SLC12A1: variants seen among roughly 807,000 people sequenced by gnomAD.
SLC12A1 encodes the protein solute carrier family 12 member 1, also known as Na-K-2Cl cotransporter.
Under a neutral mutation model 130.4 loss-of-function variants are expected in SLC12A1, and 89 were observed. That is an observed-to-expected ratio of 0.68 (90% CI 0.58 to 0.81). The LOEUF (loss-of-function observed/expected upper bound fraction) is 0.81. Among genes scored for constraint, SLC12A1 ranks in the 40% least tolerant of loss-of-function variants. SLC12A1 has a pLI of 0.00. For synonymous variants in SLC12A1, 499 were observed against 460.0 expected (o/e 1.08, Z -1.09); for missense variants, 1,310 against 1,336.4 (o/e 0.98, Z 0.31).
intron 4 of SLC12A1, chr15:48,221,306 G>A: frequency 1.4e-6 from 1 of 701,594 alleles, no homozygotes; most frequent in East Asian, 2.7e-5. Context: ...TGTATTGGGG[G>A]ACATATTGAC....
chr15:48,299,513 T>G (rs541200394), intron 25 of SLC12A1, among the ~76,000 whole-genome samples: 5 of 152,362 alleles, frequency 3.3e-5, no homozygotes, highest in Admixed American at 2.0e-4. Flanking sequence ...AGGTTATTGG[T>G]ACATATTGTG....
chr15:48,247,013 C>T lies in SLC12A1; in HGVS notation c.1557C>T (p.Phe519=), dbSNP rs770300477. 1 of 1,609,084 alleles carries T rather than the reference C, an allele frequency of 6.2e-7. No homozygotes were observed. Among genetic ancestry groups the T allele is most frequent in the South Asian group, 1.1e-5 (1 of 90,988 alleles). Residue 519 remains phenylalanine (F), a synonymous_variant, in exon 12 of 27, where the codon TTC becomes TTT. Transcript: ENST00000380993. ...CCCTTGTCAGCGCACCCAAAGTGTT[C>T]CAGGTAATACAAGCACAACAGCTTG... ...LASLVSAPKV[F]QALCKDNIYK...
intron 20 of SLC12A1, 131 bp downstream of exon 20, chr15:48,274,784 C>G (rs1022534304): frequency 1.7e-6 from 1 of 588,452 alleles, no homozygotes; most frequent in African/African-American, 1.9e-5. Context: ...TCTAGTGCTA[C>G]TCGTAGTGCA....
intron 16 of SLC12A1, among the ~76,000 whole-genome samples, chr15:48,258,701 G>C (rs1455830671): frequency 3.9e-5 from 6 of 152,218 alleles, no homozygotes; most frequent in Non-Finnish European, 8.8e-5. Flanking sequence ...CTACCAGTAC[G>C]AATTTTAGTC....
At position 48,208,049 on chromosome 15, in the gene SLC12A1, C is replaced by T. The variant is rs771050278; in HGVS notation, c.330C>T (p.Pro110=). 8.7e-6 allele frequency: 14 copies of T among 1,613,948 alleles called. No homozygotes were observed. The highest frequency in any genetic ancestry group is 1.2e-5 in the Non-Finnish European group (14 of 1,179,868). ...GCCACAACACCATGGATGCCGTTCC[C>T]AAGATAGAGTACTATCGTAACACCG... ...TFGHNTMDAV[P]KIEYYRNTGS... Residue 110 remains proline (P), a synonymous_variant, in exon 2 of 27, where the codon CCC becomes CCT. Coordinates refer to ENST00000380993, the MANE Select transcript of SLC12A1 (RefSeq NM_000338.3).
intron 17 of SLC12A1, 114 bp from the exon 18 acceptor site, chr15:48,267,447 T>C: frequency 8.5e-7 from 1 of 1,177,830 alleles, no homozygotes; most frequent in Non-Finnish European, 1.2e-6. Context: ...TTTTTCCCTC[T>C]TTCCCATTTC....
chr15:48,230,547 T>C, intron 7 of SLC12A1, 44 bp downstream of exon 7: 1 of 1,253,804 alleles, frequency 8.0e-7, no homozygotes, highest in South Asian at 1.3e-5. Flanking sequence ...GCTGGTCAGG[T>C]CCTGAACAAA....
intron 2 of SLC12A1, among the ~76,000 whole-genome samples, chr15:48,215,590 C>A (rs920339827): frequency 2.6e-5 from 4 of 152,156 alleles, no homozygotes; most frequent in Non-Finnish European, 5.9e-5. Flanking sequence ...CATGAACCAG[C>A]TGGGAGACTG....
intron 9 of SLC12A1, among the ~76,000 whole-genome samples, chr15:48,240,094 T>TATATATATATCC (rs2041497246): frequency 1.3e-5 from 1 of 78,742 alleles, no homozygotes; most frequent in African/African-American, 7.6e-5. Context: ...TATATATCCA[T>TATATATATATCC]ATATATATAT....
chr15:48,278,536 G>A (rs1296232291), intron 20 of SLC12A1, among the ~76,000 whole-genome samples: 1 of 152,132 alleles, frequency 6.6e-6, no homozygotes, highest in African/African-American at 2.4e-5. Context: ...TGGGAATGAG[G>A]CAAAGCTGTT....
chr15:48,227,068 G>T, intron 5 of SLC12A1: 1 of 1,545,284 alleles, frequency 6.5e-7, no homozygotes, highest in Non-Finnish European at 8.8e-7. Context: ...CTTTCTTGGG[G>T]GATTTTGCAG....
At chr15:48,209,453 A>T in intron 2 of SLC12A1, among the ~76,000 whole-genome samples, 1 of 152,210 alleles carries the variant, frequency 6.6e-6, no homozygotes, top group East Asian at 1.9e-4. Context: ...CTTCCAGACC[A>T]GTTTGGAATA....
At chr15:48,260,348 T>TCACG (rs2041760282) in intron 17 of SLC12A1, among the ~76,000 whole-genome samples, 1 of 144,338 alleles carries the variant, frequency 6.9e-6, no homozygotes, top group Non-Finnish European at 1.5e-5. Flanking sequence ...TCTCTCTCTA[T>TCACG]CACACACACA....
At chr15:48,252,324 G>A (rs756066932) in intron 15 of SLC12A1, among the ~76,000 whole-genome samples, 1 of 152,146 alleles carries the variant, frequency 6.6e-6, no homozygotes, top group Non-Finnish European at 1.5e-5. Flanking sequence ...AAGAAACTGG[G>A]GTTCAAAGAG....
chr15:48,278,720 A>G (rs934571180), intron 20 of SLC12A1, among the ~76,000 whole-genome samples: 4 of 152,208 alleles, frequency 2.6e-5, no homozygotes, highest in Admixed American at 1.3e-4. Flanking sequence ...TTTTCCATCT[A>G]AAAATGAGAA....
chr15:48,234,164 G>A (rs1163077889), intron 8 of SLC12A1, among the ~76,000 whole-genome samples: 1 of 152,092 alleles, frequency 6.6e-6, no homozygotes, highest in Non-Finnish European at 1.5e-5. Context: ...GATTGTTTAT[G>A]GTATTTATGC....
Position 48,288,389 on chromosome 15 carries a change from T to G in SLC12A1, c.2762-16T>G, listed in dbSNP as rs1328854438. 7.6e-7 allele frequency: 1 copy of G among 1,318,456 alleles called. No homozygotes were observed. The highest frequency in any genetic ancestry group is 2.0e-5 in the Admixed American group (1 of 48,996). 81.7% of individuals were successfully genotyped at this position (1,318,456 alleles called of 1,614,324 possible). A position where few individuals can be genotyped will look rare whatever the true frequency, so the allele number is the denominator to read the frequency against. Reference sequence around the variant, plus strand: ...TTAGATATACTCATTGTGTCATAATTTATTCTTTATTCCAGGGTTAACACT... The same window carrying G: ...TTAGATATACTCATTGTGTCATAATGTATTCTTTATTCCAGGGTTAACACT... On this transcript the variant is annotated splice_polypyrimidine_tract_variant and intron_variant, in intron 22 of 26. Coordinates refer to ENST00000380993, the MANE Select transcript of SLC12A1 (RefSeq NM_000338.3).
At chr15:48,296,034 C>T (rs1257892535) in intron 24 of SLC12A1, among the ~76,000 whole-genome samples, 1 of 152,166 alleles carries the variant, frequency 6.6e-6, no homozygotes, top group African/African-American at 2.4e-5. Flanking sequence ...TTCCTCTGGG[C>T]TGATGCAGCC....
intron 20 of SLC12A1, among the ~76,000 whole-genome samples, chr15:48,275,763 T>C (rs946385434): frequency 6.6e-6 from 1 of 152,210 alleles, no homozygotes; most frequent in Non-Finnish European, 1.5e-5. Context: ...TAGTAAAATA[T>C]GGGGCTGCCA....
Sources: allele counts gnomAD v4.1 joint callset (sites outside exome capture counted in the v4.1 genomes callset), GRCh38; gene constraint gnomAD v4.1.1; transcripts MANE v1.5; gene names NCBI Gene and HGNC (gene_info 2026-07-23, HGNC 2026-07-21).